KMT2C: variants seen among roughly 807,000 people sequenced by gnomAD.
KMT2C encodes lysine methyltransferase 2C, also known as histone-lysine N-methyltransferase 2C.
Under a neutral mutation model 507.9 loss-of-function variants are expected in KMT2C, and 88 were observed. That is an observed-to-expected ratio of 0.17 (90% CI 0.15 to 0.21). The LOEUF (loss-of-function observed/expected upper bound fraction) is 0.21, where lower values mean the gene tolerates loss of function less well. Among genes scored for constraint, KMT2C ranks in the 10% least tolerant of loss-of-function variants. The pLI is 1.00. For synonymous variants in KMT2C, 2,049 were observed against 2,080.8 expected, an observed-to-expected ratio of 0.98 and a Z score of 0.42; for missense variants, 4,954 against 5,957.8, an observed-to-expected ratio of 0.83 and a Z score of 5.55.
chr7:152,156,378 C>CT (rs536483249), intron 44 of KMT2C, 32 bp from the exon 45 acceptor site: 1,553 of 1,610,514 alleles, frequency 9.6e-4, no homozygotes, highest in Non-Finnish European at 1.2e-3. Flanking sequence ...AAATTATATG[C>CT]TACTGAGCGA....
At chr7:152,254,610 A>T (rs2095615162) in intron 9 of KMT2C, among the ~76,000 whole-genome samples, 2 of 152,194 alleles carry the variant, frequency 1.3e-5, no homozygotes, top group African/African-American at 4.8e-5. Context: ...CTTCAATTCT[A>T]AAGGCAACAT....
Position 152,262,519 on chromosome 7 carries a change from T to A in KMT2C, c.1299+497A>T, listed in dbSNP as rs12534825. On this transcript the variant is annotated intron_variant, in intron 9 of 58. Coordinates refer to ENST00000262189, the MANE Select transcript of KMT2C (RefSeq NM_170606.3). ...AAGTTAGTTAATGAGCTCATCGGCA[T>A]TTTTTGTAATAGCTCAAAATTTTGA... Among the ~76,000 whole-genome samples, 245 of 152,348 alleles carry A rather than the reference T, an allele frequency of 1.6e-3. 2 individuals carry two copies. The Middle Eastern group carries it at 0.02, about 13-fold the overall frequency.
chr7:152,159,219 G>T, intron 43 of KMT2C, 147 bp from the exon 44 acceptor site: 1 of 672,372 alleles, frequency 1.5e-6, no homozygotes, highest in Non-Finnish European at 2.5e-6. Context: ...GTCAATGCTG[G>T]TTTTCCAAAA....
Position 152,286,594 on chromosome 7 carries a change from C to T in KMT2C, c.850-12727G>A, listed in dbSNP as rs528642525. Among the ~76,000 whole-genome samples the T allele has an allele frequency of 7.2e-5, 11 of 152,200 alleles. No homozygotes were observed. In the East Asian group the frequency reaches 1.7e-3, roughly 24 times the overall value. ...CAGGGAAAAACAGCAAAAATGAATG[C>T]AGACTTCCACTTCCAGACAAAATGC... is the stretch of plus-strand genomic sequence containing the variant. On this transcript the variant is annotated intron_variant, in intron 6 of 58. Coordinates refer to ENST00000262189, the MANE Select transcript of KMT2C (RefSeq NM_170606.3).
intron 23 of KMT2C, chr7:152,220,295 T>C: frequency 1.9e-6 from 1 of 527,682 alleles, no homozygotes; most frequent in Non-Finnish European, 3.4e-6. Context: ...ATGGTGCTCC[T>C]TGAGATTTCT....
intron 6 of KMT2C, among the ~76,000 whole-genome samples, chr7:152,284,785 A>G (rs1315765851): frequency 1.3e-5 from 2 of 152,232 alleles, no homozygotes; most frequent in East Asian, 3.8e-4. Context: ...AAAGATACAC[A>G]AATGGCAAAA....
intron 6 of KMT2C, among the ~76,000 whole-genome samples, chr7:152,293,461 T>C (rs141157451): frequency 1.3e-5 from 2 of 152,358 alleles, no homozygotes; most frequent in African/African-American, 4.8e-5. Flanking sequence ...GTATGCAGTA[T>C]AAAATCACTT....
At chr7:152,297,055 C>CAGACAGACAGACAG (rs1315629061) in intron 6 of KMT2C, among the ~76,000 whole-genome samples, 21 of 84,408 alleles carry the variant, frequency 2.5e-4, no homozygotes, top group African/African-American at 3.8e-4. Flanking sequence ...GAAAGAAAGA[C>CAGACAGACAGACAG]AGAGAGAGAG....
At chr7:152,291,778 TGATATTA>T (rs1459573300) in intron 6 of KMT2C, among the ~76,000 whole-genome samples, 3 of 152,256 alleles carry the variant, frequency 2.0e-5, no homozygotes, top group African/African-American at 7.2e-5. Flanking sequence ...CAAAATGACT[TGATATTA>T]CTCCCAACGT....
intron 2 of KMT2C, among the ~76,000 whole-genome samples, chr7:152,341,007 A>AT (rs1450550659): frequency 6.6e-6 from 1 of 152,230 alleles, no homozygotes; most frequent in African/African-American, 2.4e-5. Flanking sequence ...TGTTAATGGA[A>AT]TTTTTTGCAA....
At position 152,163,507 on chromosome 7, in the gene KMT2C, T is replaced by A; in HGVS notation, c.10070A>T (p.Gln3357Leu). ...TGGTGTACAAGTTTTTATTGGTAAC[T>A]GGGCAATTGGGGGCTGAATTCTAGG... Reference protein sequence around the residue: ...NPPRIQPPIAQLPIKTCTPAP... With the variant: ...NPPRIQPPIALLPIKTCTPAP... The change falls in exon 43 of 59, where the codon CAG becomes CTG. Residue 3357 changes from glutamine to leucine, a missense_variant. Transcript: ENST00000262189. 6 of 1,613,556 alleles carry A rather than the reference T, an allele frequency of 3.7e-6. No individual in the cohort carries two copies. Among genetic ancestry groups the A allele is most frequent in the Non-Finnish European group, 5.1e-6 (6 of 1,179,556 alleles).
chr7:152,275,185 C>T (rs2096059466), intron 6 of KMT2C, among the ~76,000 whole-genome samples: 1 of 152,186 alleles, frequency 6.6e-6, no homozygotes, highest in Non-Finnish European at 1.5e-5. Context: ...CAGTCTACTG[C>T]ACTGAATCAA....
intron 34 of KMT2C, 82 bp downstream of exon 34, chr7:152,185,476 T>C (rs2093597416): frequency 2.9e-6 from 3 of 1,023,344 alleles, no homozygotes; most frequent in Non-Finnish European, 3.0e-6. Flanking sequence ...GAAATGGAAA[T>C]TTGTTTTTTA....
chr7:152,278,437 C>T (rs112729625), intron 6 of KMT2C, among the ~76,000 whole-genome samples: 12 of 152,154 alleles, frequency 7.9e-5, no homozygotes, highest in African/African-American at 2.2e-4. Flanking sequence ...CCTGCCACCG[C>T]GCCTGGCTAA....
At chr7:152,428,362 C>G (rs2097840190) in intron 1 of KMT2C, among the ~76,000 whole-genome samples, 1 of 150,008 alleles carries the variant, frequency 6.7e-6, no homozygotes. Context: ...CCTGTAATCC[C>G]ATCATTTTGG....
chr7:152,310,132 A>T (rs771231820), intron 5 of KMT2C, 57 bp from the exon 6 acceptor site: 39 of 1,172,638 alleles, frequency 3.3e-5, no homozygotes, highest in African/African-American at 4.6e-5. Flanking sequence ...AATTAAAGCT[A>T]ATAAATAAAG....
rs779478416 is a variant in KMT2C, at chr7:152,162,319, A to T, written c.11258T>A (p.Val3753Asp). Residue 3753 changes from valine to aspartate, a missense_variant, in exon 43 of 59, where the codon GTC (valine) becomes GAC (aspartate). Around this residue, in one of 29 missense-constraint regions of KMT2C, gnomAD observed 801 missense variants for 751.2 expected, o/e 1.07. Transcript: ENST00000262189. ...KVEGNAVACP[V>D]SSAQSPPHSA... ...ATGGGGAGGACTCTGTGCTGAGGAG[A>T]CAGGACAGGCTACAGCGTTTCCTTC... 6.2e-7 allele frequency: 1 copy of T among 1,614,122 alleles called. No individual in the cohort carries two copies. Among genetic ancestry groups the T allele is most frequent in the South Asian group, 1.1e-5 (1 of 91,080 alleles).
At chr7:152,261,116 A>G (rs73730009) in intron 9 of KMT2C, among the ~76,000 whole-genome samples, 6,004 of 152,196 alleles carry the variant, frequency 0.039, 46 homozygotes, top group African/African-American at 0.14. Flanking sequence ...TAACATTTTT[A>G]TAACACAAAA....
In KMT2C at chr7:152,432,442, T is replaced by C. The variant is rs1452010250; in HGVS notation, c.161+3184A>G. ...GAGGCCTGCCAATGGTTAAGACCTG[T>C]GCCTCTGATAAAGATGATGAACTAC... On this transcript the variant is annotated intron_variant, in intron 1 of 58. Transcript: ENST00000262189. 4.6e-5 allele frequency among the ~76,000 whole-genome samples: 7 copies of C among 152,356 alleles called. No individual in the cohort carries two copies. In the East Asian group the frequency reaches 1.3e-3, roughly 29 times the overall value.
Sources: allele counts gnomAD v4.1 joint callset (sites outside exome capture counted in the v4.1 genomes callset), GRCh38; gene constraint gnomAD v4.1.1; regional missense constraint gnomAD v4.1.1; transcripts MANE v1.5; gene names NCBI Gene and HGNC (gene_info 2026-07-23, HGNC 2026-07-21).